VWA5A: variants seen among roughly 807,000 people sequenced by gnomAD.
VWA5A encodes the protein von Willebrand factor A domain-containing protein 5A.
In VWA5A, 77 loss-of-function variants were observed where a neutral mutation model predicts 84.6. The ratio of observed to expected loss-of-function variants is 0.91; its 90% confidence interval spans 0.76 to 1.10. The LOEUF is 1.10. VWA5A is among the 50% of genes least tolerant of loss of function. The pLI, the probability that VWA5A is intolerant of heterozygous loss-of-function variation, is 0.00. For missense variants in VWA5A, 973 were observed against 963.0 expected, an observed-to-expected ratio of 1.01 and a Z score of -0.14; for synonymous variants, 334 against 350.1, an observed-to-expected ratio of 0.95 and a Z score of 0.51.
intron 11 of VWA5A, among the ~76,000 whole-genome samples, chr11:124,133,460 C>G (rs1408936295): frequency 1.3e-5 from 2 of 152,204 alleles, no homozygotes; most frequent in African/African-American, 4.8e-5. Context: ...TCTCTTCTCC[C>G]AGGTCTTGGC....
At chr11:124,145,745 A>C (rs1257978992) in intron 18 of VWA5A, 121 bp from the exon 19 acceptor site, 1 of 1,043,016 alleles carries the variant, frequency 9.6e-7, no homozygotes, top group African/African-American at 1.6e-5. Context: ...GTAGCAAGAA[A>C]AGAAAAAGCA....
At chr11:124,136,469 A>G in intron 13 of VWA5A, 105 bp from the exon 14 acceptor site, 1 of 1,420,148 alleles carries the variant, frequency 7.0e-7, no homozygotes, top group Non-Finnish European at 9.8e-7. Context: ...ATTCTTCATC[A>G]GATATTTTCA....
intron 11 of VWA5A, among the ~76,000 whole-genome samples, chr11:124,125,413 G>A (rs1011638610): frequency 6.6e-6 from 1 of 151,986 alleles, no homozygotes; most frequent in African/African-American, 2.4e-5. Context: ...CTCCCAAGTA[G>A]CTGGGACTGC....
At chr11:124,143,291 A>C (rs911558721) in intron 17 of VWA5A, among the ~76,000 whole-genome samples, 1 of 152,248 alleles carries the variant, frequency 6.6e-6, no homozygotes, top group Non-Finnish European at 1.5e-5. Context: ...TCTAACGCTC[A>C]TTGAGAAGTT....
At position 124,124,334 on chromosome 11, in the gene VWA5A, T is replaced by C; in HGVS notation, c.1244+18T>C. On this transcript the variant is annotated intron_variant, in intron 11 of 18. Transcript: ENST00000456829. ...AAACACAGGTAGGAAGAAAATGTGA[T>C]TTCCGGGTGATTGGTGCTGAGTAGT... 5 of 1,612,664 alleles carry C rather than the reference T, an allele frequency of 3.1e-6. No individual in the cohort carries two copies. The highest frequency in any genetic ancestry group is 4.2e-6 in the Non-Finnish European group (5 of 1,179,276).
At chr11:124,132,612 A>T (rs892061975) in intron 11 of VWA5A, among the ~76,000 whole-genome samples, 1 of 151,990 alleles carries the variant, frequency 6.6e-6, no homozygotes, top group African/African-American at 2.4e-5. Context: ...TTCTTTCCTA[A>T]TGTTGGTTAT....
intron 11 of VWA5A, among the ~76,000 whole-genome samples, chr11:124,128,984 C>A (rs1275894579): frequency 1.3e-5 from 2 of 152,138 alleles, no homozygotes; most frequent in African/African-American, 2.4e-5. Context: ...CTTTCTCTTG[C>A]CTGATTGCCC....
intron 7 of VWA5A, among the ~76,000 whole-genome samples, chr11:124,120,457 T>C (rs141576614): frequency 3.3e-5 from 5 of 152,226 alleles, no homozygotes; most frequent in Admixed American, 2.0e-4. Context: ...TTTACAATTA[T>C]AGCTGTTGTC....
intron 2 of VWA5A, 60 bp from the exon 3 acceptor site, chr11:124,117,437 C>T: frequency 6.8e-7 from 1 of 1,460,376 alleles, no homozygotes; most frequent in South Asian, 1.1e-5. Context: ...ACATAAAGTA[C>T]TGGTGTTTGA....
intron 11 of VWA5A, among the ~76,000 whole-genome samples, chr11:124,130,244 G>T (rs564396195): frequency 1.3e-5 from 2 of 152,272 alleles, no homozygotes; most frequent in African/African-American, 4.8e-5. Flanking sequence ...TTACCCAGTG[G>T]TCATTCAGGA....
chr11:124,124,601 A>C, intron 11 of VWA5A: 2 of 1,112,792 alleles, frequency 1.8e-6, no homozygotes, highest in Non-Finnish European at 1.1e-6. Flanking sequence ...TTTTTAGAGA[A>C]GTAAAACATG....
chr11:124,134,353 T>C (rs1865141953), intron 11 of VWA5A, among the ~76,000 whole-genome samples: 1 of 152,254 alleles, frequency 6.6e-6, no homozygotes, highest in African/African-American at 2.4e-5. Context: ...GTGCTAGTAC[T>C]ACCAATGTAT....
At position 124,117,845 on chromosome 11, in the gene VWA5A, A is replaced by C. The variant is rs1442291050; in HGVS notation, c.216A>C (p.Lys72Asn). 1.2e-6 allele frequency: 2 copies of C among 1,614,168 alleles called. No homozygotes were observed. Among genetic ancestry groups the C allele is most frequent in the South Asian group, 2.2e-5 (2 of 91,084 alleles). Residue 72 changes from lysine (K) to asparagine (N), a missense_variant, in exon 4 of 19, where the codon AAA becomes AAC. By Grantham distance (94) the Lys-to-Asn change is moderately conservative (BLOSUM62 0). Transcript: ENST00000456829. ...TTGAGGCCTTGGTGGATGGGAAGAA[A>C]ATTGTAGCAGAATTACAAGACAAGA... is the stretch of plus-strand genomic sequence containing the variant. ...YSFEALVDGK[K>N]IVAELQDKMK...
At chr11:124,122,028 C>G (rs918893458) in intron 7 of VWA5A, among the ~76,000 whole-genome samples, 1 of 152,146 alleles carries the variant, frequency 6.6e-6, no homozygotes, top group Non-Finnish European at 1.5e-5. Context: ...TATTTAGAAG[C>G]CAGTTTGGTG....
intron 11 of VWA5A, among the ~76,000 whole-genome samples, chr11:124,125,457 G>A (rs1865006076): frequency 6.6e-6 from 1 of 151,992 alleles, no homozygotes; most frequent in South Asian, 2.1e-4. Flanking sequence ...TAATTTTTTT[G>A]TATGTTTAGT....
chr11:124,128,113 C>G (rs1865046755), intron 11 of VWA5A, among the ~76,000 whole-genome samples: 1 of 152,128 alleles, frequency 6.6e-6, no homozygotes, highest in Non-Finnish European at 1.5e-5. Context: ...ATGGTATTGC[C>G]TAGGTTTTCT....
At chr11:124,136,475 T>G in intron 13 of VWA5A, 99 bp from the exon 14 acceptor site, 1 of 1,428,168 alleles carries the variant, frequency 7.0e-7, no homozygotes, top group Non-Finnish European at 9.7e-7. Context: ...CATCAGATAT[T>G]TTCATACATT....
intron 11 of VWA5A, among the ~76,000 whole-genome samples, chr11:124,125,090 TTATA>T (rs1165683386): frequency 6.6e-6 from 1 of 152,212 alleles, no homozygotes; most frequent in Non-Finnish European, 1.5e-5. Context: ...ACATACCTAT[TTATA>T]TACGTAGATT....
intron 8 of VWA5A, 69 bp from the exon 9 acceptor site, chr11:124,123,297 C>A (rs1864961363): frequency 1.3e-6 from 2 of 1,536,150 alleles, no homozygotes; most frequent in East Asian, 2.2e-5. Context: ...CCTCAAGAGT[C>A]GATTGACAGG....
Sources: allele counts gnomAD v4.1 joint callset (sites outside exome capture counted in the v4.1 genomes callset), GRCh38; gene constraint gnomAD v4.1.1; transcripts MANE v1.5; gene names NCBI Gene and HGNC (gene_info 2026-07-23, HGNC 2026-07-21).